Variants in CYP4F3 observed in about 807,000 individuals in gnomAD.
CYP4F3 encodes the protein cytochrome P450 4F3.
In CYP4F3, 50 loss-of-function variants were observed where a neutral mutation model predicts 54.8. The observed-to-expected ratio is 0.91, with a 90% CI of 0.73 to 1.16. The LOEUF is 1.16. CYP4F3 is among the 50% of genes most tolerant of loss of function. The probability of loss-of-function intolerance (pLI) is 0.00; values close to 1 mark genes in which losing one functional copy is unlikely to be tolerated. For missense variants in CYP4F3, 715 were observed against 676.2 expected, an observed-to-expected ratio of 1.06 and a Z score of -0.64; for synonymous variants, 244 against 262.6, an observed-to-expected ratio of 0.93 and a Z score of 0.69.
At chr19:15,658,935 G>C (rs983177060) in intron 12 of CYP4F3, 126 bp downstream of exon 12, 29 of 1,358,278 alleles carry the variant, frequency 2.1e-5, no homozygotes, top group Non-Finnish European at 2.8e-5. Context: ...ACCTCCTCTG[G>C]AGTTTATGGG....
At chr19:15,642,313 G>A (rs760380599) in intron 2 of CYP4F3, among the ~76,000 whole-genome samples, 8 of 152,342 alleles carry the variant, frequency 5.3e-5, no homozygotes, top group South Asian at 2.1e-4. Flanking sequence ...GGATGCACTA[G>A]CACAGAGCCT....
Position 15,658,796 on chromosome 19 carries a change from T to C in CYP4F3, c.1384T>C (p.Ser462Pro). ...ERSPLAFIPF[S>P]AGPRNCIGQA... is the part of the protein sequence containing the mutation. ...GTCACCTCTGGCTTTTATTCCCTTCTCAGCAGGGCCCAGGTAAGAGCGGCC... is the reference window on the plus strand; with the variant it reads ...GTCACCTCTGGCTTTTATTCCCTTCCCAGCAGGGCCCAGGTAAGAGCGGCC... Residue 462 changes from serine to proline, a missense_variant, in exon 12 of 13, where the codon TCA becomes CCA. Transcript: ENST00000221307. 6.2e-7 allele frequency: 1 copy of C among 1,613,978 alleles called. No individual in the cohort carries two copies. Among genetic ancestry groups the C allele is most frequent in the Non-Finnish European group, 8.5e-7 (1 of 1,179,958 alleles).
rs181554615 is a variant in CYP4F3 at position 15,643,461 on chromosome 19, G to C, written c.198+1848G>C. On this transcript the variant is annotated intron_variant, in intron 2 of 12. Transcript: ENST00000221307. ...AGATAGATAGATAGATAGATAGACA[G>C]ACAGGCAGACAGACAGATAGATAGA... Among the ~76,000 whole-genome samples the C allele has an allele frequency of 3.1e-3, 473 of 152,210 alleles. 1 individual carries two copies. The highest frequency in any genetic ancestry group is 0.011 in the African/African-American group (442 of 41,494).
At chr19:15,644,487 G>T (rs1259825317) in intron 2 of CYP4F3, among the ~76,000 whole-genome samples, 1 of 152,232 alleles carries the variant, frequency 6.6e-6, no homozygotes, top group African/African-American at 2.4e-5. Flanking sequence ...CAATGAGTAG[G>T]GATGTTTGAA....
Position 15,652,872 on chromosome 19 carries a change from A to G in CYP4F3, c.1035A>G (p.Ala345=). ...SGLSWVLYHL[A]KHPEYQERCR... ...TCTCCTGGGTCCTGTACCACCTTGC[A>G]AAGCACCCGGAATACCAGGAGCGCT... Residue 345 remains alanine, a synonymous_variant, in exon 9 of 13, where the codon GCA becomes GCG. Transcript: ENST00000221307. 1 of 1,613,896 alleles carries G rather than the reference A, an allele frequency of 6.2e-7. No homozygotes were observed. Among genetic ancestry groups the G allele is most frequent in the South Asian group, 1.1e-5 (1 of 91,072 alleles).
intron 11 of CYP4F3, 70 bp from the exon 12 acceptor site, chr19:15,658,657 C>G (rs917517376): frequency 1.2e-6 from 2 of 1,609,250 alleles, no homozygotes; most frequent in Non-Finnish European, 1.7e-6. Flanking sequence ...CCAAGACACA[C>G]ACCACTGTCT....
intron 7 of CYP4F3, among the ~76,000 whole-genome samples, chr19:15,650,846 C>CTTTT (rs1491090277): frequency 2.3e-5 from 1 of 43,568 alleles, no homozygotes; most frequent in African/African-American, 1.6e-4. Flanking sequence ...TTCTTTCTTT[C>CTTTT]TTTCTTTCTT....
chr19:15,654,269 C>T (rs1972955925), intron 9 of CYP4F3, among the ~76,000 whole-genome samples: 1 of 152,116 alleles, frequency 6.6e-6, no homozygotes, highest in African/African-American at 2.4e-5. Flanking sequence ...ATAATAGATG[C>T]ACATAGTTTT....
intron 2 of CYP4F3, chr19:15,643,828 C>T: frequency 1.7e-5 from 24 of 1,387,524 alleles, no homozygotes; most frequent in Non-Finnish European, 2.2e-5. Flanking sequence ...GATCAACTAT[C>T]TGGGCATCCT....
At chr19:15,650,606 C>T (rs1191602191) in intron 7 of CYP4F3, among the ~76,000 whole-genome samples, 1 of 152,014 alleles carries the variant, frequency 6.6e-6, no homozygotes, top group African/African-American at 2.4e-5. Flanking sequence ...GCATCTGTGT[C>T]TTCATCTTTG....
intron 12 of CYP4F3, among the ~76,000 whole-genome samples, 187 bp from the exon 13 acceptor site, chr19:15,659,032 TG>T (rs372703011): frequency 0.46 from 69,834 of 151,444 alleles, 17,319 homozygotes; most frequent in East Asian, 0.65. Flanking sequence ...TGGTCTAGGC[TG>T]GGGGGTTGGA....
Position 15,649,703 on chromosome 19 carries a change from T to C in CYP4F3, c.648-210T>C, listed in dbSNP as rs577523173. Among the ~76,000 whole-genome samples, 12 of 152,170 alleles carry C rather than the reference T, an allele frequency of 7.9e-5. No individual in the cohort carries two copies. In the South Asian group the frequency reaches 2.5e-3, roughly 32 times the overall value. On this transcript the variant is annotated intron_variant, in intron 6 of 12. Coordinates refer to ENST00000221307, the MANE Select transcript of CYP4F3 (RefSeq NM_000896.3). ...ACTATCCTCTGGGTGCCTAGCTGCA[T>C]GGAGGCATCTCACAGAGATGGGATG...
chr19:15,644,934 C>T (rs1478842826), intron 2 of CYP4F3, among the ~76,000 whole-genome samples: 1 of 152,184 alleles, frequency 6.6e-6, no homozygotes, highest in Admixed American at 6.5e-5. Flanking sequence ...GGAAATCCAA[C>T]CTGGTGTAGT....
chr19:15,650,454 C>G (rs534971718), intron 7 of CYP4F3, among the ~76,000 whole-genome samples: 42 of 152,326 alleles, frequency 2.8e-4, no homozygotes, highest in African/African-American at 9.1e-4. Flanking sequence ...ATATCTACAT[C>G]TATACCTATG....
chr19:15,649,134 C>T (rs373772234), intron 5 of CYP4F3, 26 bp from the exon 6 acceptor site: 4 of 1,612,392 alleles, frequency 2.5e-6, no homozygotes, highest in African/African-American at 2.7e-5. Flanking sequence ...GGGACCTGCC[C>T]CAGCTCTGTC....
chr19:15,643,996 C>T (rs1273221591), intron 2 of CYP4F3: 2 of 1,605,560 alleles, frequency 1.2e-6, no homozygotes, highest in Non-Finnish European at 1.7e-6. Flanking sequence ...GCCCCATCTT[C>T]CCCGTCATCC....
rs141511367 is a variant in CYP4F3 at position 15,641,521 on chromosome 19, G to A, written c.106G>A (p.Ala36Thr). 6.8e-6 allele frequency: 11 copies of A among 1,614,072 alleles called. No individual in the cohort carries two copies. In the African/African-American group the frequency reaches 1.5e-4, roughly 22 times the overall value. ...CTCCTGGCTCCTGGCCCGCATCCTG[G>A]CCTGGACCTATACCTTCTATGACAA... ...GASWLLARIL[A>T]WTYTFYDNCC... The change falls in exon 2 of 13, where the codon GCC becomes ACC. Residue 36 changes from alanine (A) to threonine (T), a missense_variant. Ala to Thr is a moderately conservative substitution (Grantham distance 58). Coordinates refer to ENST00000221307, the MANE Select transcript of CYP4F3 (RefSeq NM_000896.3).
At chr19:15,645,953 C>T (rs1972614092) in intron 3 of CYP4F3, 90 bp downstream of exon 3, 10 of 1,447,626 alleles carry the variant, frequency 6.9e-6, no homozygotes, top group East Asian at 2.5e-5. Flanking sequence ...CAGCGGGTCG[C>T]GTGCCCATGT....
chr19:15,642,178 T>C (rs1239176032), intron 2 of CYP4F3, among the ~76,000 whole-genome samples: 1 of 152,174 alleles, frequency 6.6e-6, no homozygotes, highest in Non-Finnish European at 1.5e-5. Flanking sequence ...CTGACCTTTC[T>C]CCTCCCCCAG....
Sources: allele counts gnomAD v4.1 joint callset (sites outside exome capture counted in the v4.1 genomes callset), GRCh38; gene constraint gnomAD v4.1.1; transcripts MANE v1.5; gene names NCBI Gene and HGNC (gene_info 2026-07-23, HGNC 2026-07-21).